The following COL16A1 variants were observed in gnomAD, a reference collection of about 807,000 sequenced individuals.
The protein encoded by COL16A1 is collagen type XVI alpha 1 chain.
A neutral mutation model predicts 266.3 loss-of-function variants in COL16A1; 189 were observed. The ratio of observed to expected loss-of-function variants is 0.71; its 90% CI spans 0.63 to 0.80. The LOEUF is 0.80. COL16A1 is among the 30% of genes least tolerant of loss of function. The probability of loss-of-function intolerance (pLI) is 0.00; values close to 1 mark genes in which losing one functional copy is unlikely to be tolerated. For synonymous variants in COL16A1, 740 were observed against 782.3 expected (o/e 0.95, Z 0.90); for missense variants, 1,928 against 2,122.4 (o/e 0.91, Z 1.80).
At chr1:31,669,580 G>C (rs1263779813) in intron 49 of COL16A1, among the ~76,000 whole-genome samples, 1 of 151,844 alleles carries the variant, frequency 6.6e-6, no homozygotes. Context: ...TGGCTAGACG[G>C]ACAGATGGCC....
At position 31,662,674 on chromosome 1, in the gene COL16A1, GCCCCCC is replaced by G; in HGVS notation, c.3556-22_3556-17del. 2.4e-6 allele frequency: 3 copies of G among 1,263,546 alleles called. No homozygotes were observed. Among genetic ancestry groups the G allele is most frequent in the Non-Finnish European group, 3.1e-6 (3 of 960,554 alleles). 78.3% of individuals were successfully genotyped at this position (1,263,546 alleles called of 1,614,324 possible). On this transcript the variant is annotated splice_polypyrimidine_tract_variant and intron_variant, in intron 56 of 70. Transcript: ENST00000373672. Reference sequence around the variant, plus strand: ...CTTCGCTGCCCTGGAAACCAGCGCCGCCCCCCCCCCCCGCCCCACAATAAAGTCAGC... The same window carrying G: ...CTTCGCTGCCCTGGAAACCAGCGCCGCCCCCCGCCCCACAATAAAGTCAGC...
In COL16A1 at chr1:31,685,151, C is replaced by T. The variant is rs932109608; in HGVS notation, c.2017-295G>A. ...TAGGGATCCTGTGAGGTTAGACAAG[C>T]TAATATGTCGTGTGCAGCAGTGCCT... On this transcript the variant is annotated intron_variant, in intron 29 of 70. Coordinates refer to ENST00000373672, the MANE Select transcript of COL16A1 (RefSeq NM_001856.4). The surrounding 1 kb of genome is among the most constrained non-coding windows in gnomAD (Gnocchi z 4.0). Among the ~76,000 whole-genome samples the T allele has an allele frequency of 6.6e-6, 1 of 152,168 alleles. No individual in the cohort carries two copies. Among genetic ancestry groups the T allele is most frequent in the Non-Finnish European group, 1.5e-5 (1 of 68,024 alleles).
chr1:31,675,066 A>G (rs772976572), intron 43 of COL16A1, 27 bp from the exon 44 acceptor site: 1 of 1,613,134 alleles, frequency 6.2e-7, no homozygotes, highest in Non-Finnish European at 8.5e-7. Flanking sequence ...TGTGGGCTCA[A>G]GCAGGTGAGG....
chr1:31,660,725 A>G, intron 61 of COL16A1, 87 bp from the exon 62 acceptor site: 1 of 1,564,990 alleles, frequency 6.4e-7, no homozygotes, highest in African/African-American at 1.4e-5. Flanking sequence ...GCTGGGCAGA[A>G]TACATGGTAA....
Position 31,695,083 on chromosome 1 carries a change from A to G in COL16A1, c.981+103T>C, listed in dbSNP as rs560433916. The stretch of plus-strand genomic sequence containing the variant: ...GCAGGGAGCGAGTGTGAAAGTGTAC[A>G]AAGACCCCCTTGTCCTCACCCAGGA... On this transcript the variant is annotated intron_variant, in intron 11 of 70. Coordinates refer to ENST00000373672, the MANE Select transcript of COL16A1 (RefSeq NM_001856.4). The G allele has an allele frequency of 3.4e-5, 41 of 1,220,490 alleles. No homozygotes were observed. The Admixed American group carries it at 7.7e-4, about 23-fold the overall frequency. The allele number at this position is 1,220,490 out of a possible 1,614,324, so 75.6% of individuals were successfully genotyped here.
At chr1:31,690,042 G>T (rs1014354566) in intron 22 of COL16A1, 191 bp from the exon 23 acceptor site, 1 of 622,540 alleles carries the variant, frequency 1.6e-6, no homozygotes, top group Non-Finnish European at 2.8e-6. Context: ...AAGATTCCAG[G>T]GTGGCGCAAA....
In COL16A1 at chr1:31,685,389, G is replaced by C. The variant is rs1292563608; in HGVS notation, c.2016+250C>G. On this transcript the variant is annotated intron_variant, in intron 29 of 70. Coordinates refer to ENST00000373672, the MANE Select transcript of COL16A1 (RefSeq NM_001856.4). This position sits in a 1 kb window ranked among gnomAD's most constrained non-coding sequence, Gnocchi z 4.0. ...AAGACTTAGTAAGAAGCAAAGCTAA[G>C]ATTGGAACCCAGGTCTCTCTGCTCC... 6.6e-6 allele frequency among the ~76,000 whole-genome samples: 1 copy of C among 152,204 alleles called. No individual in the cohort carries two copies. The highest frequency in any genetic ancestry group is 1.5e-5 in the Non-Finnish European group (1 of 68,028).
In COL16A1 at chr1:31,653,588, G is replaced by A. The variant is rs763902130; in HGVS notation, c.4612+11C>T. ...TCTGGATTCATGGTCTCAAATGGTG[G>A]TATTTCCTACCTGGGGGGCCGGGAA... On this transcript the variant is annotated intron_variant, in intron 70 of 70. Coordinates refer to ENST00000373672, the MANE Select transcript of COL16A1 (RefSeq NM_001856.4). 8 of 1,612,552 alleles carry A rather than the reference G, an allele frequency of 5.0e-6. No individual in the cohort carries two copies. The East Asian group carries it at 1.6e-4, about 31-fold the overall frequency.
Position 31,670,438 on chromosome 1 carries a change from A to G in COL16A1, c.3195+164T>C. 1.2e-6 allele frequency: 1 copy of G among 852,210 alleles called. No homozygotes were observed. Among genetic ancestry groups the G allele is most frequent in the Non-Finnish European group, 1.6e-6 (1 of 614,832 alleles). The allele number at this position is 852,210 out of a possible 1,614,324, so 52.8% of individuals were successfully genotyped here. On this transcript the variant is annotated intron_variant, in intron 49 of 70. Transcript: ENST00000373672. The surrounding 1 kb of genome is among the most constrained non-coding windows in gnomAD (Gnocchi z 4.5). ...GAGTCAGAGACTGGGAGGATGTCCA[A>G]GCTGCCGGGACCTCAGAGAACCCGT...
chr1:31,667,031 C>A (rs751888142), intron 52 of COL16A1, among the ~76,000 whole-genome samples: 1 of 152,244 alleles, frequency 6.6e-6, no homozygotes, highest in Non-Finnish European at 1.5e-5. Context: ...CTGAATCCCA[C>A]TGGGGCCTCA....
In COL16A1 at chr1:31,689,766, TC is replaced by T; in HGVS notation, c.1594del (p.Glu532SerfsTer32). 1 of 1,614,040 alleles carries T rather than the reference TC, an allele frequency of 6.2e-7. No homozygotes were observed. Among genetic ancestry groups the T allele is most frequent in the Non-Finnish European group, 8.5e-7 (1 of 1,179,968 alleles). ...GLPGKPGPKG[E>X]PGDPVPARGD... is the part of the protein sequence containing the mutation. ...CCTGGCTGGTACAGGATCACCAGGC[TC>T]CCCTTTGGGCCCTGGCTTTCCAGGA... On this transcript the variant is annotated frameshift_variant, in exon 23 of 71. Transcript: ENST00000373672. LOFTEE classifies it high-confidence loss of function.
chr1:31,698,726 T>C lies in COL16A1; in HGVS notation c.267-120A>G, dbSNP rs1340060615. On this transcript the variant is annotated intron_variant, in intron 4 of 70. Coordinates refer to ENST00000373672, the MANE Select transcript of COL16A1 (RefSeq NM_001856.4). This position sits in a 1 kb window ranked among gnomAD's most constrained non-coding sequence, Gnocchi z 4.1. ...ATCCACAGGCACACATCTTCCATCA[T>C]ATACATTCATTCACTCTCCATACCT... 6.8e-7 allele frequency: 1 copy of C among 1,465,196 alleles called. No homozygotes were observed. The highest frequency in any genetic ancestry group is 2.4e-5 in the East Asian group (1 of 42,474). The allele number at this position is 1,465,196 out of a possible 1,614,324, so 90.8% of individuals were successfully genotyped here.
chr1:31,672,934 T>G, intron 44 of COL16A1, 94 bp from the exon 45 acceptor site: 5 of 1,171,804 alleles, frequency 4.3e-6, no homozygotes, highest in Non-Finnish European at 6.2e-6. Context: ...GAGCCAGGGC[T>G]CCCTGCCCTG....
intron 62 of COL16A1, among the ~76,000 whole-genome samples, chr1:31,659,248 T>A (rs1557610872): frequency 6.6e-6 from 1 of 152,166 alleles, no homozygotes; most frequent in South Asian, 2.1e-4. Context: ...AGAGGCCAAG[T>A]GCAGAGGACA....
rs1640882384 is a variant in COL16A1 at position 31,654,055 on chromosome 1, G to A, written c.4358-12C>T. On this transcript the variant is annotated splice_polypyrimidine_tract_variant and intron_variant, in intron 68 of 70. Transcript: ENST00000373672. ...GTAAGCCATTCTCTCTGTAAAAAAA[G>A]GACAAGGACAGGGACAGGTCAGAGG... 1.2e-6 allele frequency: 2 copies of A among 1,610,936 alleles called. No individual in the cohort carries two copies. The highest frequency in any genetic ancestry group is 2.7e-5 in the African/African-American group (2 of 74,990).
At chr1:31,689,027 C>T (rs1644128817) in intron 24 of COL16A1, 23 bp downstream of exon 24, 11 of 1,613,872 alleles carry the variant, frequency 6.8e-6, no homozygotes, top group African/African-American at 1.3e-5. Flanking sequence ...AGGAGGGCAG[C>T]CAGGAGAGCA....
intron 67 of COL16A1, among the ~76,000 whole-genome samples, chr1:31,655,074 A>G (rs1488601396): frequency 1.4e-5 from 2 of 140,846 alleles, no homozygotes; most frequent in Non-Finnish European, 3.0e-5. Context: ...ACCTCCGTAG[A>G]TTCTCAATCC....
intron 64 of COL16A1, 138 bp downstream of exon 64, chr1:31,658,350 C>T (rs1188357462): frequency 1.3e-5 from 10 of 770,492 alleles, no homozygotes; most frequent in Admixed American, 8.2e-5. Context: ...TCCTCAGGCC[C>T]GAACGCCACG....
intron 42 of COL16A1, chr1:31,679,223 C>CA: frequency 3.5e-6 from 2 of 568,480 alleles, no homozygotes; most frequent in South Asian, 5.2e-5. Context: ...TCCAAGAGGG[C>CA]AGGGACTTTT....
Sources: gnomAD v4.1 joint callset for allele counts (sites outside exome capture counted in the v4.1 genomes callset) on GRCh38, gnomAD v4.1.1 for gene constraint, Gnocchi (gnomAD v3.1) non-coding constraint, MANE v1.5 for transcripts, NCBI Gene and HGNC (gene_info 2026-07-23, HGNC 2026-07-21) for gene names.